MAP3K13: variants seen among roughly 807,000 people sequenced by gnomAD.
The protein encoded by MAP3K13 is mitogen-activated protein kinase kinase kinase 13, also known as leucine zipper-bearing kinase.
A neutral mutation model predicts 104.0 loss-of-function variants in MAP3K13; 52 were observed. The ratio of observed to expected loss-of-function variants is 0.50; its 90% CI spans 0.40 to 0.63. The LOEUF (loss-of-function observed/expected upper bound fraction) is 0.63. MAP3K13 is among the 20% of genes least tolerant of loss of function. MAP3K13 has a pLI of 0.00. For missense variants in MAP3K13, 914 were observed against 1,218.5 expected, an observed-to-expected ratio of 0.75 and a Z score of 3.72; for synonymous variants, 394 against 442.2, an observed-to-expected ratio of 0.89 and a Z score of 1.37.
chr3:185,344,887 A>T (rs6796200), intron 2 of MAP3K13, among the ~76,000 whole-genome samples: 39,792 of 145,920 alleles, frequency 0.27, 7,400 homozygotes, highest in African/African-American at 0.53. Flanking sequence ...CTCATAATTT[A>T]TTTTTTTTTT....
intron 1 of MAP3K13, among the ~76,000 whole-genome samples, chr3:185,380,940 GTTTTTTTGTTT>G (rs1490803573): frequency 7.0e-6 from 1 of 142,794 alleles, no homozygotes; most frequent in Admixed American, 7.0e-5. Flanking sequence ...GAGGAAGAAG[GTTTTTTTGTTT>G]TTTTTTTGTT....
In MAP3K13 at chr3:185,418,052, C is replaced by G; in HGVS notation, c.-85-10445C>G. Reference sequence around the variant, plus strand: ...ATGCAGAAACGTCCCACATGCCCACCAGGAGCAAGCTTCAAAATGTTCAGC... The same window carrying G: ...ATGCAGAAACGTCCCACATGCCCACGAGGAGCAAGCTTCAAAATGTTCAGC... On this transcript the variant is annotated intron_variant, in intron 1 of 13. Transcript: ENST00000265026. This position sits in a 1 kb window ranked among gnomAD's most constrained non-coding sequence, Gnocchi z 4.5. The G allele has an allele frequency of 1.2e-6, 2 of 1,611,898 alleles. No homozygotes were observed. Among genetic ancestry groups the G allele is most frequent in the South Asian group, 1.1e-5 (1 of 90,988 alleles).
At chr3:185,374,686 T>C (rs907174111) in intron 1 of MAP3K13, among the ~76,000 whole-genome samples, 1 of 152,156 alleles carries the variant, frequency 6.6e-6, no homozygotes, top group Admixed American at 6.5e-5. Flanking sequence ...GAGTTTTTTT[T>C]AATGTCGTCA....
In MAP3K13 at chr3:185,482,350, T is replaced by C. The variant is rs751904046; in HGVS notation, c.2800-5T>C. ...ATGAATTAAGGTTTTGTCTTGCCTT[T>C]GCAGAACCCCATGCAGTTTGAAGAA... On this transcript the variant is annotated splice_polypyrimidine_tract_variant and splice_region_variant and intron_variant, in intron 13 of 13. Coordinates refer to ENST00000265026, the MANE Select transcript of MAP3K13 (RefSeq NM_004721.5). The surrounding 1 kb of genome is among the most constrained non-coding windows in gnomAD (Gnocchi z 4.5). 6 of 1,609,488 alleles carry C rather than the reference T, an allele frequency of 3.7e-6. No homozygotes were observed. The highest frequency in any genetic ancestry group is 5.1e-6 in the Non-Finnish European group (6 of 1,175,724).
rs554315032 is a variant in MAP3K13, at chr3:185,466,966, G to A, written c.1643+3G>A. 6.2e-7 allele frequency: 1 copy of A among 1,613,944 alleles called. No individual in the cohort carries two copies. The highest frequency in any genetic ancestry group is 2.2e-5 in the East Asian group (1 of 44,886). ...AAATCTGGGATGCAGACCAAACGGT[G>A]AGACACCTGTACAAACGCAGTATTC... On this transcript the variant is annotated splice_donor_region_variant and intron_variant, in intron 10 of 13. Transcript: ENST00000265026.
chr3:185,355,928 T>C (rs985398641), intron 2 of MAP3K13, among the ~76,000 whole-genome samples: 3 of 152,250 alleles, frequency 2.0e-5, no homozygotes, highest in Non-Finnish European at 4.4e-5. Flanking sequence ...TGCTGTGCTA[T>C]ACCTGTAATT....
At position 185,482,196 on chromosome 3, in the gene MAP3K13, T is replaced by G. The variant is rs1032156579; in HGVS notation, c.2800-159T>G. On this transcript the variant is annotated intron_variant, in intron 13 of 13. Transcript: ENST00000265026. The surrounding 1 kb of genome is among the most constrained non-coding windows in gnomAD (Gnocchi z 4.5). ...ATTGTCGTAGCAATCATAATCATCATGTGTTTTCTTTCTCCATAAGTCCCA... is the reference window on the plus strand; with the variant it reads ...ATTGTCGTAGCAATCATAATCATCAGGTGTTTTCTTTCTCCATAAGTCCCA... 6.6e-6 allele frequency among the ~76,000 whole-genome samples: 1 copy of G among 152,268 alleles called. No homozygotes were observed.
At chr3:185,333,870 A>G (rs905798095) in intron 2 of MAP3K13, among the ~76,000 whole-genome samples, 1 of 152,228 alleles carries the variant, frequency 6.6e-6, no homozygotes, top group Non-Finnish European at 1.5e-5. Context: ...CCTAAGCAAC[A>G]TGACAAAACG....
intron 1 of MAP3K13, among the ~76,000 whole-genome samples, chr3:185,426,108 T>G (rs1037327791): frequency 6.7e-6 from 1 of 148,326 alleles, no homozygotes; most frequent in Admixed American, 6.8e-5. Flanking sequence ...TCTGATGGAG[T>G]CTCACGCTGT....
intron 7 of MAP3K13, among the ~76,000 whole-genome samples, chr3:185,454,282 G>GAT (rs772714583): frequency 0.071 from 687 of 9,660 alleles, 276 homozygotes; most frequent in Non-Finnish European, 0.11. Context: ...TCATATATAT[G>GAT]ATATATATGA....
intron 2 of MAP3K13, among the ~76,000 whole-genome samples, chr3:185,329,414 A>G (rs1258699944): frequency 6.6e-6 from 1 of 152,208 alleles, no homozygotes; most frequent in East Asian, 1.9e-4. Context: ...TTTGATGTTC[A>G]AAGAAATTAA....
At chr3:185,356,742 T>C (rs927453092) in intron 2 of MAP3K13, among the ~76,000 whole-genome samples, 1 of 152,220 alleles carries the variant, frequency 6.6e-6, no homozygotes. Context: ...TGGCCATCCT[T>C]GTGCCACGTG....
intron 7 of MAP3K13, among the ~76,000 whole-genome samples, chr3:185,455,001 T>C (rs1355053272): frequency 4.5e-5 from 2 of 44,932 alleles, no homozygotes; most frequent in Non-Finnish European, 5.8e-5. Context: ...ATATATGATA[T>C]ATATGAGATA....
In MAP3K13 at chr3:185,465,791, G is replaced by A. The variant is rs759720581; in HGVS notation, c.1433G>A (p.Arg478Gln). ...IREHYERKLE[R>Q]ANNLYMELSA... ...GAACACTATGAGCGGAAGCTTGAGCGGGCGAATAATTTATACATGGAATTG... is the reference window on the plus strand; with the variant it reads ...GAACACTATGAGCGGAAGCTTGAGCAGGCGAATAATTTATACATGGAATTG... Residue 478 changes from arginine to glutamine, a missense_variant, in exon 9 of 14, where the codon CGG becomes CAG. This residue lies in a region of MAP3K13 where 583 missense variants were observed against 737.4 expected (regional missense o/e 0.79). Coordinates refer to ENST00000265026, the MANE Select transcript of MAP3K13 (RefSeq NM_004721.5). The A allele has an allele frequency of 3.8e-5, 62 of 1,613,944 alleles. No homozygotes were observed. The Admixed American group carries it at 5.8e-4, about 15-fold the overall frequency.
chr3:185,455,799 GATATATGAGAT>G (rs1560120872), intron 7 of MAP3K13, among the ~76,000 whole-genome samples: 30 of 52,436 alleles, frequency 5.7e-4, no homozygotes, highest in African/African-American at 1.6e-3. Context: ...ATATATATGA[GATATATGAGAT>G]ATATATATGA....
intron 2 of MAP3K13, among the ~76,000 whole-genome samples, chr3:185,430,615 C>T (rs1055359049): frequency 2.6e-5 from 4 of 152,014 alleles, no homozygotes; most frequent in South Asian, 2.1e-4. Flanking sequence ...TCCATGTCCT[C>T]GCAAAGGACA....
At chr3:185,358,259 G>A (rs1723461933), upstream of MAP3K13, among the ~76,000 whole-genome samples, 1 of 152,070 alleles carries the variant, frequency 6.6e-6, no homozygotes, top group Non-Finnish European at 1.5e-5. Context: ...AAATTCAGTG[G>A]ATTACACTGT....
rs1715216606 is a variant in MAP3K13, at chr3:185,439,530, T to C, written c.659+1900T>C. 3.3e-5 allele frequency among the ~76,000 whole-genome samples: 5 copies of C among 152,188 alleles called. No homozygotes were observed. The South Asian group carries it at 1.0e-3, about 32-fold the overall frequency. On this transcript the variant is annotated intron_variant, in intron 3 of 13. Transcript: ENST00000265026. ...CTAAATGGAAGGAAGGGTCAAAAGC[T>C]TTTAAACTTAGATCACTAGGACGCT...
chr3:185,340,732 G>A (rs981492341), intron 2 of MAP3K13, among the ~76,000 whole-genome samples: 1 of 152,046 alleles, frequency 6.6e-6, no homozygotes, highest in Non-Finnish European at 1.5e-5. Context: ...TCTTGTGATA[G>A]TGAGTAAGTC....
Sources: gnomAD v4.1 joint callset for allele counts (sites outside exome capture counted in the v4.1 genomes callset) on GRCh38, gnomAD v4.1.1 for gene constraint, gnomAD v4.1.1 regional missense constraint, Gnocchi (gnomAD v3.1) non-coding constraint, MANE v1.5 for transcripts, NCBI Gene and HGNC (gene_info 2026-07-23, HGNC 2026-07-21) for gene names.